KIF18B: variants seen among roughly 807,000 people sequenced by gnomAD.
KIF18B encodes kinesin-like protein KIF18B.
Under a neutral mutation model 80.9 loss-of-function variants are expected in KIF18B, and 49 were observed. That is an observed-to-expected ratio of 0.61 (90% CI 0.48 to 0.77). The LOEUF (loss-of-function observed/expected upper bound fraction) is 0.77. Among genes scored for constraint, KIF18B ranks in the 30% least tolerant of loss-of-function variants. The pLI is 0.00. For synonymous variants in KIF18B, 439 were observed against 463.9 expected (o/e 0.95, Z 0.69); for missense variants, 994 against 1,127.7 (o/e 0.88, Z 1.70).
Position 44,934,523 on chromosome 17 carries a change from G to T in KIF18B, c.671C>A (p.Ser224Tyr). The T allele has an allele frequency of 6.2e-7, 1 of 1,612,500 alleles. No individual in the cohort carries two copies. Reference sequence around the variant, plus strand: ...TGACCTCACCTGGAAGATGGCATGGGAGCGGGAGGAAGTCGCGTTGGCATC... The same window carrying T: ...TGACCTCACCTGGAAGATGGCATGGTAGCGGGAGGAAGTCGCGTTGGCATC... ...PTDANATSSR[S>Y]HAIFQIFVKQ... The change falls in exon 5 of 16, where the codon TCC becomes TAC. Residue 224 changes from serine to tyrosine, a missense_variant. Ser to Tyr is a moderately radical substitution (Grantham distance 144). Coordinates refer to ENST00000593135, the MANE Select transcript of KIF18B (RefSeq NM_001265577.2). The surrounding 1 kb of genome is among the most constrained non-coding windows in gnomAD (Gnocchi z 5.4).
At chr17:44,926,603 G>A in intron 14 of KIF18B, 104 bp from the exon 15 acceptor site, 4 of 1,162,972 alleles carry the variant, frequency 3.4e-6, no homozygotes, top group Non-Finnish European at 4.7e-6. Context: ...AGCCCTGAGA[G>A]CAAAGGCTGC....
At chr17:44,944,109 C>T (rs1011710257) in intron 1 of KIF18B, among the ~76,000 whole-genome samples, 2 of 152,184 alleles carry the variant, frequency 1.3e-5, no homozygotes, top group Non-Finnish European at 2.9e-5. Context: ...CAATGTTAAA[C>T]CATTCTTGCA....
rs1485361069 is a variant in KIF18B at position 44,927,206 on chromosome 17, C to G, written c.2277-128G>C. On this transcript the variant is annotated intron_variant, in intron 13 of 15. Coordinates refer to ENST00000593135, the MANE Select transcript of KIF18B (RefSeq NM_001265577.2). This position sits in a 1 kb window ranked among gnomAD's most constrained non-coding sequence, Gnocchi z 4.1. ...TTGGACAAGATGACCTCTGAGGTTT[C>G]TTCTACAAAGAGGTGGATTCCTCTC... The G allele has an allele frequency of 9.3e-6, 6 of 646,510 alleles. No individual in the cohort carries two copies. Among genetic ancestry groups the G allele is most frequent in the Non-Finnish European group, 1.6e-5 (6 of 378,130 alleles). The allele number at this position is 646,510 out of a possible 1,614,324, so 40.0% of individuals were successfully genotyped here. A position where few individuals can be genotyped will look rare whatever the true frequency, so the allele number is the denominator to read the frequency against.
intron 10 of KIF18B, 119 bp downstream of exon 10, chr17:44,931,937 C>T: frequency 8.1e-7 from 1 of 1,235,708 alleles, no homozygotes; most frequent in Non-Finnish European, 1.1e-6. Flanking sequence ...GACTAAGGTG[C>T]AAGACATCCA....
chr17:44,946,837 T>C (rs1263972237), intron 1 of KIF18B, among the ~76,000 whole-genome samples: 2 of 152,068 alleles, frequency 1.3e-5, no homozygotes, highest in Admixed American at 6.6e-5. Flanking sequence ...AATCAAACAT[T>C]TGGCCAGGCG....
At chr17:44,944,751 C>G (rs559369129) in intron 1 of KIF18B, among the ~76,000 whole-genome samples, 1 of 152,162 alleles carries the variant, frequency 6.6e-6, no homozygotes, top group Non-Finnish European at 1.5e-5. Context: ...AATTGAATTC[C>G]TCAATGGAAT....
rs769683332 is a variant in KIF18B at position 44,928,502 on chromosome 17, C to T, written c.1800G>A (p.Leu600=). 1,559 of 1,497,800 alleles carry T rather than the reference C, an allele frequency of 1.0e-3. 2 individuals carry two copies. Among genetic ancestry groups the T allele is most frequent in the Non-Finnish European group, 1.3e-3 (1,454 of 1,128,942 alleles). 92.8% of individuals were successfully genotyped at this position (1,497,800 alleles called of 1,614,324 possible). A position where few individuals can be genotyped will look rare whatever the true frequency, so the allele number is the denominator to read the frequency against. ...GPVTRTMARR[L]SGPLHTLGIP... ...TTCCCAGGGTGTGCAGGGGGCCACT[C>T]AGTCGCCTCGCCATAGTCCGGGTCA... The change falls in exon 13 of 16, where the codon CTG becomes CTA. Residue 600 remains leucine, a synonymous_variant. Transcript: ENST00000593135.
rs1290685320 is a variant in KIF18B at position 44,932,961 on chromosome 17, T to A, written c.1088A>T (p.Asp363Val). The change falls in exon 8 of 16, where the codon GAC becomes GTC. Residue 363 changes from aspartate (D) to valine (V), a missense_variant. Asp to Val is a radical substitution (Grantham distance 152, BLOSUM62 -3). Transcript: ENST00000593135. Reference protein sequence around the residue: ...LSLKSNVTSLDCHISQYATIC... With the variant: ...LSLKSNVTSLVCHISQYATIC... ...GGTAGCATACTGGCTGATGTGACAG[T>A]CCAGGCTGGTCACATTGCTCTTCAG... The A allele has an allele frequency of 6.2e-7, 1 of 1,605,624 alleles. No homozygotes were observed. The highest frequency in any genetic ancestry group is 2.2e-5 in the East Asian group (1 of 44,586).
intron 9 of KIF18B, chr17:44,932,442 CT>C: frequency 1.7e-6 from 1 of 596,522 alleles, no homozygotes; most frequent in Non-Finnish European, 3.0e-6. Flanking sequence ...CTAAGTTCAC[CT>C]TCTCTCGAAT....
At chr17:44,946,659 G>A (rs1042434782) in intron 1 of KIF18B, among the ~76,000 whole-genome samples, 1 of 152,182 alleles carries the variant, frequency 6.6e-6, no homozygotes, top group Non-Finnish European at 1.5e-5. Context: ...GGAGGAACCA[G>A]TGTCTTCAGT....
At chr17:44,929,128 T>A in intron 11 of KIF18B, 104 bp from the exon 12 acceptor site, 1 of 995,928 alleles carries the variant, frequency 1.0e-6, no homozygotes, top group African/African-American at 1.6e-5. Context: ...GGTTGAGGAG[T>A]CTGAACTGGT....
Position 44,934,640 on chromosome 17 carries a change from C to T in KIF18B, c.577-23G>A, listed in dbSNP as rs533054258. ...TGGCTACAGAGGAGAAGCCCAGGAA[C>T]GGGGCTGTGGGTTCCCGGATCAGGA... On this transcript the variant is annotated intron_variant, in intron 4 of 15. Coordinates refer to ENST00000593135, the MANE Select transcript of KIF18B (RefSeq NM_001265577.2). This position sits in a 1 kb window ranked among gnomAD's most constrained non-coding sequence, Gnocchi z 5.4. 47 of 1,566,596 alleles carry T rather than the reference C, an allele frequency of 3.0e-5. No homozygotes were observed. In the Admixed American group the frequency reaches 3.1e-4, roughly 10 times the overall value.
Position 44,931,748 on chromosome 17 carries a change from G to A in KIF18B, c.1390-19C>T, listed in dbSNP as rs771045153. On this transcript the variant is annotated intron_variant, in intron 10 of 15. Coordinates refer to ENST00000593135, the MANE Select transcript of KIF18B (RefSeq NM_001265577.2). ...TTGGAACCTAAAGAGGAAGGAAAAGGCACAGGTAGAGGGGCCAGGATGGCC... is the reference window on the plus strand; with the variant it reads ...TTGGAACCTAAAGAGGAAGGAAAAGACACAGGTAGAGGGGCCAGGATGGCC... 3.1e-6 allele frequency: 5 copies of A among 1,613,354 alleles called. No homozygotes were observed. Among genetic ancestry groups the A allele is most frequent in the Middle Eastern group, 1.6e-4 (1 of 6,082 alleles).
In KIF18B at chr17:44,937,238, C is replaced by T. The variant is rs143359358; in HGVS notation, c.-14-880G>A. On this transcript the variant is annotated intron_variant, in intron 1 of 15. Transcript: ENST00000593135. ...AATTCTACCCCCAACCTAGAGCCCT[C>T]TCCTCCCTCAAAAACCCTACTGGGG... is the stretch of plus-strand genomic sequence containing the variant. Among the ~76,000 whole-genome samples the T allele has an allele frequency of 3.1e-3, 473 of 152,162 alleles. 2 individuals carry two copies. Among genetic ancestry groups the T allele is most frequent in the African/African-American group, 0.011 (459 of 41,536 alleles).
At chr17:44,930,698 T>C (rs922133432) in intron 11 of KIF18B, among the ~76,000 whole-genome samples, 1 of 151,992 alleles carries the variant, frequency 6.6e-6, no homozygotes, top group Non-Finnish European at 1.5e-5. Context: ...AGGGCAGAAA[T>C]AAGGACCCTG....
At chr17:44,930,254 C>T (rs1469778883) in intron 11 of KIF18B, among the ~76,000 whole-genome samples, 1 of 152,224 alleles carries the variant, frequency 6.6e-6, no homozygotes, top group East Asian at 1.9e-4. Flanking sequence ...GGCCCCGTCC[C>T]TCTTGCTATG....
At chr17:44,936,405 G>T in intron 1 of KIF18B, 47 bp from the exon 2 acceptor site, 2 of 1,518,118 alleles carry the variant, frequency 1.3e-6, no homozygotes, top group South Asian at 2.4e-5. Flanking sequence ...CCCCAGGCCT[G>T]ACCAGGTGCC....
intron 1 of KIF18B, among the ~76,000 whole-genome samples, chr17:44,938,144 T>C (rs1303403528): frequency 6.6e-6 from 1 of 152,160 alleles, no homozygotes; most frequent in Non-Finnish European, 1.5e-5. Flanking sequence ...GCCTCCCCAG[T>C]AGCTGGGATT....
intron 1 of KIF18B, among the ~76,000 whole-genome samples, chr17:44,946,459 G>A (rs1313419904): frequency 6.6e-6 from 1 of 152,208 alleles, no homozygotes; most frequent in Non-Finnish European, 1.5e-5. Context: ...ATAACATTGA[G>A]ATGTTCTCCT....
Sources: gnomAD v4.1 joint callset for allele counts (sites outside exome capture counted in the v4.1 genomes callset) on GRCh38, gnomAD v4.1.1 for gene constraint, Gnocchi (gnomAD v3.1) non-coding constraint, MANE v1.5 for transcripts, NCBI Gene and HGNC (gene_info 2026-07-23, HGNC 2026-07-21) for gene names.